Variants in CCSER1 observed in about 807,000 individuals in gnomAD.
CCSER1 encodes serine-rich coiled-coil domain-containing protein 1.
In CCSER1, 41 loss-of-function variants were observed where a neutral mutation model predicts 82.0. The ratio of observed to expected loss-of-function variants is 0.50; its 90% confidence interval spans 0.39 to 0.65. The LOEUF (loss-of-function observed/expected upper bound fraction) is 0.65, where lower values mean the gene tolerates loss of function less well. CCSER1 is among the 30% of genes least tolerant of loss of function. The pLI, the probability that CCSER1 is intolerant of heterozygous loss-of-function variation, is 0.00. For missense variants in CCSER1, 1,119 were observed against 1,064.2 expected, an observed-to-expected ratio of 1.05 and a Z score of -0.72; for synonymous variants, 414 against 383.9, an observed-to-expected ratio of 1.08 and a Z score of -0.92.
chr4:91,501,853 T>A (rs1038077774), intron 10 of CCSER1, among the ~76,000 whole-genome samples: 2 of 152,186 alleles, frequency 1.3e-5, no homozygotes, highest in East Asian at 3.8e-4. Flanking sequence ...CACTTTTATG[T>A]AGCCAAGTAA....
chr4:91,544,718 C>T (rs1472885876), intron 10 of CCSER1, among the ~76,000 whole-genome samples: 1 of 152,104 alleles, frequency 6.6e-6, no homozygotes, highest in African/African-American at 2.4e-5. Context: ...TCAGTCTGCC[C>T]CTACTGGGGG....
chr4:91,250,474 G>A (rs1740167791), intron 10 of CCSER1, among the ~76,000 whole-genome samples: 1 of 152,038 alleles, frequency 6.6e-6, no homozygotes, highest in Admixed American at 6.6e-5. Flanking sequence ...TATTATAATT[G>A]TGAGAGGTAG....
At chr4:90,483,464 G>A (rs903598097) in intron 5 of CCSER1, among the ~76,000 whole-genome samples, 14 of 152,280 alleles carry the variant, frequency 9.2e-5, no homozygotes, top group Non-Finnish European at 1.2e-4. Context: ...TTTCTTCCTA[G>A]CCTTGATGGT....
intron 10 of CCSER1, among the ~76,000 whole-genome samples, chr4:91,478,343 TA>T (rs976287636): frequency 1.3e-5 from 2 of 151,940 alleles, no homozygotes; most frequent in African/African-American, 2.4e-5. Flanking sequence ...TTATTAATCT[TA>T]AATATGAATT....
At chr4:90,455,722 C>T (rs1221158511) in intron 4 of CCSER1, among the ~76,000 whole-genome samples, 2 of 152,172 alleles carry the variant, frequency 1.3e-5, no homozygotes, top group Admixed American at 6.5e-5. Context: ...AGTATTCACA[C>T]CCACCTATAT....
At chr4:90,950,457 C>A (rs545629374) in intron 9 of CCSER1, among the ~76,000 whole-genome samples, 3 of 152,138 alleles carry the variant, frequency 2.0e-5, no homozygotes, top group Admixed American at 1.3e-4. Context: ...AGCCTAATAT[C>A]ATCACCTACT....
At chr4:90,938,639 G>T (rs1016354836) in intron 9 of CCSER1, 1 of 344,298 alleles carries the variant, frequency 2.9e-6, no homozygotes, top group Non-Finnish European at 5.9e-6. Context: ...TTATTTTATT[G>T]ATTTCATTCA....
intron 7 of CCSER1, among the ~76,000 whole-genome samples, chr4:90,792,782 C>G (rs2149667474): frequency 6.6e-6 from 1 of 152,336 alleles, no homozygotes; most frequent in Non-Finnish European, 1.5e-5. Context: ...TGGGCAATGC[C>G]TAGTTGAACA....
At chr4:90,521,090 A>T (rs1434885348) in intron 5 of CCSER1, among the ~76,000 whole-genome samples, 1 of 152,162 alleles carries the variant, frequency 6.6e-6, no homozygotes, top group East Asian at 1.9e-4. Context: ...TATTAAATTG[A>T]GGTTGAAAAA....
chr4:90,935,900 G>C (rs375967029), intron 9 of CCSER1, among the ~76,000 whole-genome samples: 1 of 152,010 alleles, frequency 6.6e-6, no homozygotes, highest in African/African-American at 2.4e-5. Context: ...CAGAAAGCTT[G>C]GTATAGTGAT....
At chr4:90,156,465 C>T (rs1728199000) in intron 1 of CCSER1, among the ~76,000 whole-genome samples, 1 of 152,134 alleles carries the variant, frequency 6.6e-6, no homozygotes, top group South Asian at 2.1e-4. Flanking sequence ...CTAATGTTGA[C>T]AGTGGGGCGT....
At position 91,069,986 on chromosome 4, in the gene CCSER1, ATT is replaced by A. The variant is rs70965471; in HGVS notation, c.2173-15951_2173-15950del. On this transcript the variant is annotated intron_variant, in intron 9 of 10. Transcript: ENST00000509176. ...GACTTTCTTAAGTAAACCTTTTTTA[ATT>A]TTTTTTTTTTTTCCAAGAAATAGTC... Among the ~76,000 whole-genome samples the A allele has an allele frequency of 8.2e-3, 1,203 of 146,670 alleles. 9 individuals carry two copies. The highest frequency in any genetic ancestry group is 0.019 in the South Asian group (89 of 4,668).
intron 9 of CCSER1, among the ~76,000 whole-genome samples, chr4:90,938,353 GA>G (rs60953271): frequency 0.047 from 7,117 of 151,864 alleles, 540 homozygotes; most frequent in African/African-American, 0.16. Flanking sequence ...AATACATAAA[GA>G]AAAAAAGTTT....
chr4:90,634,963 T>A (rs1387520533), intron 6 of CCSER1, among the ~76,000 whole-genome samples: 1 of 151,718 alleles, frequency 6.6e-6, no homozygotes, highest in Admixed American at 6.6e-5. Context: ...ATATATGACA[T>A]TTCACCACAG....
At chr4:90,545,098 A>G (rs1308283462) in intron 5 of CCSER1, among the ~76,000 whole-genome samples, 1 of 152,064 alleles carries the variant, frequency 6.6e-6, no homozygotes, top group Non-Finnish European at 1.5e-5. Flanking sequence ...CCTCTTTCAA[A>G]TTTCTGGCTC....
chr4:91,369,107 T>A (rs1444689038), intron 10 of CCSER1, among the ~76,000 whole-genome samples: 2 of 152,230 alleles, frequency 1.3e-5, no homozygotes, highest in Non-Finnish European at 2.9e-5. Flanking sequence ...GATTTTTGGC[T>A]TTGGCTCTGT....
intron 8 of CCSER1, among the ~76,000 whole-genome samples, chr4:90,849,790 T>TAAAAA (rs750879193): frequency 6.5e-5 from 5 of 76,972 alleles, no homozygotes; most frequent in Non-Finnish European, 7.8e-5. Flanking sequence ...CTCCATCTCA[T>TAAAAA]AAAAAAAAAA....
chr4:90,709,049 C>T (rs1230194628), intron 6 of CCSER1, among the ~76,000 whole-genome samples: 2 of 151,916 alleles, frequency 1.3e-5, no homozygotes, highest in African/African-American at 2.4e-5. Context: ...AATGTCATCA[C>T]AACATTATAC....
chr4:91,523,404 G>T (rs1760601410), intron 10 of CCSER1, among the ~76,000 whole-genome samples: 1 of 152,168 alleles, frequency 6.6e-6, no homozygotes, highest in Admixed American at 6.5e-5. Flanking sequence ...GAGTTAGGGA[G>T]GATTCCCTCT....
Sources: allele counts gnomAD v4.1 joint callset (sites outside exome capture counted in the v4.1 genomes callset), GRCh38; gene constraint gnomAD v4.1.1; transcripts MANE v1.5; gene names NCBI Gene and HGNC (gene_info 2026-07-23, HGNC 2026-07-21).